The following GCN1 variants were observed in gnomAD, a reference collection of about 807,000 sequenced individuals.
The protein encoded by GCN1 is GCN1 activator of EIF2AK4, also known as stalled ribosome sensor GCN1.
Under a neutral mutation model 288.4 loss-of-function variants are expected in GCN1, and 90 were observed. That is an observed-to-expected ratio of 0.31 (90% CI 0.26 to 0.37). The LOEUF (loss-of-function observed/expected upper bound fraction) is 0.37. Ranked by LOEUF, GCN1 falls within the 10% of genes least tolerant of loss-of-function variation. GCN1 has a pLI of 1.00. For synonymous variants in GCN1, 1,386 were observed against 1,420.2 expected (o/e 0.98, Z 0.54); for missense variants, 2,586 against 3,419.9 (o/e 0.76, Z 6.08).
intron 15 of GCN1, 123 bp from the exon 16 acceptor site, chr12:120,168,423 A>T (rs1225959625): frequency 2.9e-6 from 2 of 687,346 alleles, no homozygotes; most frequent in African/African-American, 1.8e-5. Flanking sequence ...CAGGAGGCTC[A>T]GTGCTCTTCC....
intron 14 of GCN1, among the ~76,000 whole-genome samples, chr12:120,172,146 G>A (rs1878333001): frequency 1.3e-5 from 2 of 152,218 alleles, no homozygotes; most frequent in East Asian, 1.9e-4. Flanking sequence ...TTACAGGCGT[G>A]AGCCAGCTCG....
At position 120,155,351 on chromosome 12, in the gene GCN1, C is replaced by T. The variant is rs1473275575; in HGVS notation, c.3520G>A (p.Ala1174Thr). The change falls in exon 30 of 58, where the codon GCT becomes ACT. Residue 1174 changes from alanine (A) to threonine (T), a missense_variant. Coordinates refer to ENST00000300648, the MANE Select transcript of GCN1 (RefSeq NM_006836.2). This position sits in a 1 kb window ranked among gnomAD's most constrained non-coding sequence, Gnocchi z 4.9. ...LIDDVIYHEA[A>T]VRQAGAEALS... ...GCTTCGGCCCCTGCCTGCCTTACAG[C>T]CGCCTCATGATAGATCACGTCGTCA... is the stretch of plus-strand genomic sequence containing the variant. The T allele has an allele frequency of 8.7e-6, 14 of 1,614,176 alleles. No individual in the cohort carries two copies. Among genetic ancestry groups the T allele is most frequent in the Non-Finnish European group, 1.0e-5 (12 of 1,180,038 alleles).
At chr12:120,141,938 A>G (rs1877210054) in intron 44 of GCN1, among the ~76,000 whole-genome samples, 1 of 152,172 alleles carries the variant, frequency 6.6e-6, no homozygotes. Context: ...CCTCGACTAG[A>G]CTACCTCTCA....
chr12:120,192,738 A>G (rs1174204324), intron 1 of GCN1, among the ~76,000 whole-genome samples: 2 of 148,072 alleles, frequency 1.4e-5, no homozygotes, highest in Non-Finnish European at 3.0e-5. Context: ...TCTCGAAAAA[A>G]AAAAAAAAAG....
intron 15 of GCN1, among the ~76,000 whole-genome samples, chr12:120,169,276 CAAAA>C (rs35819206): frequency 1.5e-5 from 1 of 66,674 alleles, no homozygotes; most frequent in African/African-American, 6.6e-5. Context: ...AACTCCGTCT[CAAAA>C]AAAAAAAAAA....
Position 120,179,118 on chromosome 12 carries a change from T to C in GCN1, c.427-168A>G, listed in dbSNP as rs193284432. On this transcript the variant is annotated intron_variant, in intron 5 of 57. Coordinates refer to ENST00000300648, the MANE Select transcript of GCN1 (RefSeq NM_006836.2). Reference sequence around the variant, plus strand: ...GCTCCTCTTCCCTCCACCCCACACATTTAGTTCTGTCCTTTAACGACACTG... The same window carrying C: ...GCTCCTCTTCCCTCCACCCCACACACTTAGTTCTGTCCTTTAACGACACTG... 5.9e-5 allele frequency among the ~76,000 whole-genome samples: 9 copies of C among 152,284 alleles called. No homozygotes were observed. The South Asian group carries it at 1.2e-3, about 21-fold the overall frequency.
intron 38 of GCN1, among the ~76,000 whole-genome samples, chr12:120,146,355 T>C (rs1877362127): frequency 6.6e-6 from 1 of 151,930 alleles, no homozygotes; most frequent in African/African-American, 2.4e-5. Flanking sequence ...TTTTAATTAA[T>C]TAATTTACTT....
intron 38 of GCN1, among the ~76,000 whole-genome samples, chr12:120,146,812 G>T (rs764027563): frequency 7.2e-5 from 11 of 152,196 alleles, no homozygotes; most frequent in Non-Finnish European, 1.3e-4. Context: ...CTCTTGAGAG[G>T]TCAAAAGAGA....
At chr12:120,183,499 G>T in intron 5 of GCN1, 70 bp downstream of exon 5, 1 of 957,822 alleles carries the variant, frequency 1.0e-6, no homozygotes. Context: ...GCACCAAGAA[G>T]GTGCTGAAAC....
intron 2 of GCN1, among the ~76,000 whole-genome samples, chr12:120,190,091 A>G (rs1423747943): frequency 6.6e-6 from 1 of 151,528 alleles, no homozygotes; most frequent in Non-Finnish European, 1.5e-5. Context: ...CAGGCATGAT[A>G]TGGGCACCTG....
chr12:120,133,828 C>T (rs997030897), intron 53 of GCN1, among the ~76,000 whole-genome samples: 2 of 152,118 alleles, frequency 1.3e-5, no homozygotes, highest in Non-Finnish European at 1.5e-5. Context: ...CCAGCACTTT[C>T]GGAGCCCGAG....
chr12:120,132,383 G>C (rs1051539414), intron 53 of GCN1, among the ~76,000 whole-genome samples: 2 of 151,916 alleles, frequency 1.3e-5, no homozygotes, highest in Admixed American at 6.5e-5. Context: ...CAACAGCCCT[G>C]TGAGGCAGGG....
At chr12:120,141,866 G>A (rs1877207523) in intron 44 of GCN1, among the ~76,000 whole-genome samples, 2 of 152,174 alleles carry the variant, frequency 1.3e-5, no homozygotes, top group African/African-American at 4.8e-5. Flanking sequence ...GCAGTGCCAT[G>A]CAGCACTGGC....
rs189115314 is a variant in GCN1 at position 120,142,628 on chromosome 12, G to A, written c.5708C>T (p.Ala1903Val). The stretch of plus-strand genomic sequence containing the variant: ...AACAATCTTCCAGACATGCAGGGAC[G>A]CCTGCCGCACCACCAGCTGGGTGTC... ...RSDTQLVVRQ[A>V]SLHVWKIVVS... The change falls in exon 44 of 58, where the codon GCG (alanine) becomes GTG (valine). Residue 1903 changes from alanine (A) to valine (V), a missense_variant. Ala to Val is a moderately conservative substitution (Grantham distance 64). This residue lies in a region of GCN1 where 437 missense variants were observed against 570.5 expected (regional missense o/e 0.77). Transcript: ENST00000300648. This position sits in a 1 kb window ranked among gnomAD's most constrained non-coding sequence, Gnocchi z 4.9. The A allele has an allele frequency of 8.1e-6, 13 of 1,613,538 alleles. No individual in the cohort carries two copies. The highest frequency in any genetic ancestry group is 4.5e-5 in the East Asian group (2 of 44,876).
chr12:120,131,847 A>C, intron 54 of GCN1, 79 bp downstream of exon 54: 1 of 847,526 alleles, frequency 1.2e-6, no homozygotes, highest in Non-Finnish European at 2.0e-6. Context: ...CCTCTGAGGG[A>C]GGGAGGGAGA....
rs781283607 is a variant in GCN1 at position 120,149,678 on chromosome 12, C to T, written c.4474G>A (p.Ala1492Thr). The T allele has an allele frequency of 1.2e-6, 2 of 1,614,088 alleles. No homozygotes were observed. The highest frequency in any genetic ancestry group is 1.7e-5 in the Admixed American group (1 of 60,006). The change falls in exon 36 of 58, where the codon GCT becomes ACT. Residue 1492 changes from alanine to threonine, a missense_variant. Physicochemically the swap from Ala to Thr is moderately conservative, Grantham distance 58. This residue lies in a region of GCN1 where 371 missense variants were observed against 572.6 expected (regional missense o/e 0.65). Coordinates refer to ENST00000300648, the MANE Select transcript of GCN1 (RefSeq NM_006836.2). Reference sequence around the variant, plus strand: ...GGGAGCACCAGCTTCACCCCGTGAGCACTCAAGTTGCTCATCACAGCCTTG... The same window carrying T: ...GGGAGCACCAGCTTCACCCCGTGAGTACTCAAGTTGCTCATCACAGCCTTG... ...CAKAVMSNLS[A>T]HGVKLVLPSL...
chr12:120,155,322 G>A lies in GCN1; in HGVS notation c.3549C>T (p.Leu1183=), dbSNP rs772411161. The change falls in exon 30 of 58, where the codon CTC becomes CTT. Residue 1183 remains leucine, a synonymous_variant. Transcript: ENST00000300648. The surrounding 1 kb of genome is among the most constrained non-coding windows in gnomAD (Gnocchi z 4.9). ...AAVRQAGAEA[L]SQAVARYQRQ... ...GCTGGTAACGTGCCACTGCTTGGGA[G>A]AGGGCTTCGGCCCCTGCCTGCCTTA... 6.2e-7 allele frequency: 1 copy of A among 1,614,206 alleles called. No individual in the cohort carries two copies. The highest frequency in any genetic ancestry group is 1.1e-5 in the South Asian group (1 of 91,086).
chr12:120,175,115 A>G lies in GCN1; in HGVS notation c.1093+47T>C, dbSNP rs912749987. On this transcript the variant is annotated intron_variant, in intron 12 of 57. Coordinates refer to ENST00000300648, the MANE Select transcript of GCN1 (RefSeq NM_006836.2). ...GCACTCTATCCTAGATGACACAGCA[A>G]GACTTTCTCTCAAAAAAAAAAAAAA... The G allele has an allele frequency of 2.6e-6, 4 of 1,528,256 alleles. No homozygotes were observed. In the African/African-American group the frequency reaches 5.7e-5, roughly 22 times the overall value. The allele number at this position is 1,528,256 out of a possible 1,614,324, so 94.7% of individuals were successfully genotyped here. A position where few individuals can be genotyped will look rare whatever the true frequency, so the allele number is the denominator to read the frequency against.
intron 56 of GCN1, among the ~76,000 whole-genome samples, chr12:120,129,755 C>G (rs1012948937): frequency 6.6e-6 from 1 of 152,166 alleles, no homozygotes; most frequent in Admixed American, 6.5e-5. Context: ...CTGGCTGGTC[C>G]CACAGCTTGG....
Sources: allele counts gnomAD v4.1 joint callset (sites outside exome capture counted in the v4.1 genomes callset), GRCh38; gene constraint gnomAD v4.1.1; regional missense constraint gnomAD v4.1.1; non-coding constraint Gnocchi (gnomAD v3.1); transcripts MANE v1.5; gene names NCBI Gene and HGNC (gene_info 2026-07-23, HGNC 2026-07-21).